Variants in RARB observed in about 807,000 individuals in gnomAD.
The protein encoded by RARB is retinoic acid receptor beta.
Under a neutral mutation model 51.9 loss-of-function variants are expected in RARB, and 17 were observed. The ratio of observed to expected loss-of-function variants is 0.33; its 90% CI spans 0.22 to 0.49. The LOEUF (loss-of-function observed/expected upper bound fraction) is 0.49, where lower values mean the gene tolerates loss of function less well. RARB is among the 20% of genes least tolerant of loss of function. RARB has a pLI of 0.99. For missense variants in RARB, 369 were observed against 550.8 expected (o/e 0.67, Z 3.30); for synonymous variants, 215 against 195.4 (o/e 1.10, Z -0.84).
intron 5 of RARB, among the ~76,000 whole-genome samples, chr3:25,593,288 GTCC>G (rs1384278381): frequency 6.6e-6 from 1 of 151,552 alleles, no homozygotes; most frequent in Non-Finnish European, 1.5e-5. Flanking sequence ...AATTTCTTAT[GTCC>G]TGTTTAGTGT....
intron 2 of RARB, among the ~76,000 whole-genome samples, chr3:24,958,313 A>C (rs1402500668): frequency 8.2e-6 from 1 of 121,808 alleles, no homozygotes; most frequent in East Asian, 2.7e-4. Flanking sequence ...CCCTCAGGGA[A>C]CTTTAGAACT....
At chr3:25,254,597 G>C (rs540804105) in intron 5 of RARB, among the ~76,000 whole-genome samples, 1 of 151,754 alleles carries the variant, frequency 6.6e-6, no homozygotes, top group South Asian at 2.1e-4. Context: ...CTTACAGCTG[G>C]GGGGTCGGGG....
At chr3:25,545,977 T>C (rs986174995) in intron 3 of RARB, among the ~76,000 whole-genome samples, 2 of 152,050 alleles carry the variant, frequency 1.3e-5, no homozygotes, top group Non-Finnish European at 1.5e-5. Flanking sequence ...GAAGGCCTTA[T>C]GAGAAGGTGA....
chr3:25,560,275 A>G (rs924728520), intron 3 of RARB, among the ~76,000 whole-genome samples: 1 of 152,170 alleles, frequency 6.6e-6, no homozygotes, highest in African/African-American at 2.4e-5. Context: ...TTTCATTTAA[A>G]CTAACTATGT....
intron 2 of RARB, among the ~76,000 whole-genome samples, chr3:25,481,664 G>C (rs957371506): frequency 6.6e-6 from 1 of 152,138 alleles, no homozygotes. Flanking sequence ...TGTACATATT[G>C]TCCCTGTGGT....
At chr3:25,280,018 A>T (rs568343633) in intron 5 of RARB, among the ~76,000 whole-genome samples, 6 of 152,276 alleles carry the variant, frequency 3.9e-5, no homozygotes, top group Non-Finnish European at 2.9e-5. Context: ...TTCCATAACA[A>T]AAGGCAGATT....
intron 3 of RARB, among the ~76,000 whole-genome samples, chr3:25,107,556 T>C (rs1051159763): frequency 6.6e-6 from 1 of 152,176 alleles, no homozygotes; most frequent in African/African-American, 2.4e-5. Context: ...TTTCCCCTCA[T>C]CCACGAGTGA....
chr3:25,108,339 A>G, intron 3 of RARB, among the ~76,000 whole-genome samples: 1 of 152,228 alleles, frequency 6.6e-6, no homozygotes, highest in Middle Eastern at 3.2e-3. Context: ...TGTCTCATAC[A>G]GAAGAGTCCA....
At chr3:25,382,480 C>T (rs925235244) in intron 5 of RARB, among the ~76,000 whole-genome samples, 6 of 152,156 alleles carry the variant, frequency 3.9e-5, no homozygotes, top group African/African-American at 1.2e-4. Context: ...TTGCCTATGT[C>T]CTGAAGAGCA....
At chr3:25,115,822 A>T (rs1699677463) in intron 3 of RARB, among the ~76,000 whole-genome samples, 1 of 151,892 alleles carries the variant, frequency 6.6e-6, no homozygotes. Flanking sequence ...GTAGAGGTAC[A>T]GTCTTGCTAT....
At chr3:24,968,994 TC>T (rs1468931799) in intron 2 of RARB, among the ~76,000 whole-genome samples, 2 of 152,102 alleles carry the variant, frequency 1.3e-5, no homozygotes, top group Non-Finnish European at 2.9e-5. Flanking sequence ...CTTTTTTTTT[TC>T]CTTAGAGTAA....
intron 2 of RARB, among the ~76,000 whole-genome samples, chr3:24,975,727 T>C (rs6779328): frequency 0.48 from 72,938 of 151,866 alleles, 17,950 homozygotes; most frequent in East Asian, 0.63. Context: ...ATTTTTGTCA[T>C]GCTGCTGCTA....
chr3:24,945,646 T>A (rs1695757392), intron 2 of RARB, among the ~76,000 whole-genome samples: 1 of 152,254 alleles, frequency 6.6e-6, no homozygotes, highest in South Asian at 2.1e-4. Context: ...TTGGCGATCC[T>A]CTTTGGCAAG....
chr3:25,165,890 A>G (rs1263363127), intron 4 of RARB, among the ~76,000 whole-genome samples: 1 of 152,118 alleles, frequency 6.6e-6, no homozygotes, highest in East Asian at 1.9e-4. Flanking sequence ...ATTTTTTCTG[A>G]AAGTCATATT....
chr3:25,207,267 T>C (rs1188017161), intron 5 of RARB, among the ~76,000 whole-genome samples: 1 of 152,172 alleles, frequency 6.6e-6, no homozygotes, highest in Non-Finnish European at 1.5e-5. Context: ...TGAGAAAATC[T>C]CTGTGATCCT....
intron 5 of RARB, among the ~76,000 whole-genome samples, chr3:25,286,619 AT>A (rs1703663480): frequency 6.6e-6 from 1 of 152,088 alleles, no homozygotes; most frequent in African/African-American, 2.4e-5. Flanking sequence ...TTACTCCTCC[AT>A]TCAGGCCCTT....
At chr3:24,868,800 G>C (rs1336876332) in intron 2 of RARB, among the ~76,000 whole-genome samples, 1 of 152,096 alleles carries the variant, frequency 6.6e-6, no homozygotes, top group Non-Finnish European at 1.5e-5. Flanking sequence ...TGAATCAATT[G>C]CTAACAGAAA....
At chr3:25,028,527 T>C (rs1697801296) in intron 2 of RARB, among the ~76,000 whole-genome samples, 1 of 152,172 alleles carries the variant, frequency 6.6e-6, no homozygotes, top group Admixed American at 6.6e-5. Flanking sequence ...GTACTTCCAT[T>C]TGGGACTAGG....
intron 3 of RARB, among the ~76,000 whole-genome samples, chr3:25,072,513 T>C (rs974929534): frequency 1.3e-5 from 2 of 152,120 alleles, no homozygotes; most frequent in African/African-American, 4.8e-5. Flanking sequence ...AACTACTTGA[T>C]AGCGATAACT....
Sources: allele counts gnomAD v4.1 joint callset (sites outside exome capture counted in the v4.1 genomes callset), GRCh38; gene constraint gnomAD v4.1.1; transcripts MANE v1.5; gene names NCBI Gene and HGNC (gene_info 2026-07-23, HGNC 2026-07-21).